RASSF3: variants seen among roughly 807,000 people sequenced by gnomAD.
RASSF3 encodes ras association domain-containing protein 3.
RASSF3 carries 19 observed loss-of-function variants against 19.9 expected under a neutral mutation model. That is an observed-to-expected ratio of 0.96 (90% confidence interval 0.67 to 1.40). The LOEUF is 1.40. RASSF3 is among the 40% of genes most tolerant of loss of function. The pLI, the probability that RASSF3 is intolerant of heterozygous loss-of-function variation, is 0.00. For missense variants in RASSF3, 306 were observed against 289.8 expected (o/e 1.06, Z -0.41); for synonymous variants, 110 against 104.2 (o/e 1.06, Z -0.34).
intron 1 of RASSF3, among the ~76,000 whole-genome samples, chr12:64,615,523 TGCCTCAATTATTTG>T (rs1171173875): frequency 1.3e-5 from 2 of 152,214 alleles, no homozygotes; most frequent in Non-Finnish European, 2.9e-5. Context: ...AATATTTTTG[TGCCTCAATTATTTG>T]GTTGTGTCTT....
At chr12:64,658,762 C>CT (rs1872244982) in intron 1 of RASSF3, among the ~76,000 whole-genome samples, 2 of 152,068 alleles carry the variant, frequency 1.3e-5, no homozygotes, top group Admixed American at 6.6e-5. Flanking sequence ...AAGTGAAACT[C>CT]TATCTCAAAA....
intron 2 of RASSF3, among the ~76,000 whole-genome samples, chr12:64,586,491 GAAAAAAAAAAA>G (rs10708538): frequency 1.4e-5 from 1 of 70,134 alleles, no homozygotes; most frequent in African/African-American, 5.9e-5. Flanking sequence ...CTCCTTCTCA[GAAAAAAAAAAA>G]AAAAAAAAAA....
In RASSF3 at chr12:64,558,580, C is replaced by T. The variant is rs527327936; in HGVS notation, c.294+16875C>T. 3.5e-4 allele frequency among the ~76,000 whole-genome samples: 53 copies of T among 152,262 alleles called. 1 individual carries two copies. The South Asian group carries it at 8.5e-3, about 24-fold the overall frequency. On this transcript the variant is annotated intron_variant, in intron 2 of 5. Coordinates refer to the RASSF3 transcript ENST00000637125. ...AGCCCGGTAAAATGTGAGAAAAGGG[C>T]TGGCGTAACTCAAGGAATCAAGTCA...
At position 64,640,797 on chromosome 12, in the gene RASSF3, T is replaced by C. The variant is rs551096252; in HGVS notation, c.111+30054T>C. Among the ~76,000 whole-genome samples the C allele has an allele frequency of 2.0e-5, 3 of 152,084 alleles. No individual in the cohort carries two copies. In the South Asian group the frequency reaches 6.2e-4, roughly 32 times the overall value. On this transcript the variant is annotated intron_variant, in intron 1 of 4. Transcript: ENST00000542104. ...AGCTGGGACTAGAGGCATGTGCCAC[T>C]ATTCCCAGCTAATTATTATTATTTG... is the stretch of plus-strand genomic sequence containing the variant.
At chr12:64,629,550 TGTG>T (rs1354102278) in intron 1 of RASSF3, among the ~76,000 whole-genome samples, 1 of 152,234 alleles carries the variant, frequency 6.6e-6, no homozygotes, top group Non-Finnish European at 1.5e-5. Context: ...CCTGAAATTC[TGTG>T]GTGGATTTTT....
chr12:64,594,978 G>GACAC, intron 2 of RASSF3, among the ~76,000 whole-genome samples: 1 of 148,334 alleles, frequency 6.7e-6, no homozygotes, highest in East Asian at 2.0e-4. Flanking sequence ...CAAAGACACA[G>GACAC]ACACACACAC....
intron 1 of RASSF3, among the ~76,000 whole-genome samples, chr12:64,641,432 A>G (rs891857720): frequency 6.8e-6 from 1 of 146,910 alleles, no homozygotes; most frequent in African/African-American, 2.7e-5. Context: ...GCGCGCGTTG[A>G]AAACAAATGA....
intron 1 of RASSF3, among the ~76,000 whole-genome samples, chr12:64,637,110 G>A (rs10506537): frequency 0.21 from 31,324 of 152,062 alleles, 3,681 homozygotes; most frequent in African/African-American, 0.33. Flanking sequence ...GCAATCCAGA[G>A]GAGGTTAAAA....
In RASSF3 at chr12:64,671,196, G is replaced by T. The variant is rs150369200; in HGVS notation, c.112-13591G>T. ...ATGAGGGACCAGGAAAGAAAGGGAG[G>T]CAGGATAGGGGAGGTGTTTTTGAGA... On this transcript the variant is annotated intron_variant, in intron 1 of 4. Coordinates refer to ENST00000542104, the MANE Select transcript of RASSF3 (RefSeq NM_178169.4). 2.3e-4 allele frequency among the ~76,000 whole-genome samples: 35 copies of T among 152,266 alleles called. No homozygotes were observed. In the Middle Eastern group the frequency reaches 0.01, roughly 44 times the overall value.
chr12:64,525,483 C>T lies in RASSF3; in HGVS notation c.170-16098C>T, dbSNP rs553812230. 9.9e-5 allele frequency among the ~76,000 whole-genome samples: 15 copies of T among 152,254 alleles called. No individual in the cohort carries two copies. In the South Asian group the frequency reaches 2.7e-3, roughly 27 times the overall value. ...TTTCCTTTTGTTTTCCCCCCATCTC[C>T]TTTTAGCAGGCCTGACTGGCAAAGC... On this transcript the variant is annotated intron_variant, in intron 1 of 5. Coordinates refer to the RASSF3 transcript ENST00000637125.
chr12:64,558,475 A>G (rs539825115), intron 2 of RASSF3, among the ~76,000 whole-genome samples: 1 of 152,198 alleles, frequency 6.6e-6, no homozygotes, highest in African/African-American at 2.4e-5. Flanking sequence ...GACTTGGTGG[A>G]TCTGACAGAA....
At chr12:64,554,495 G>C (rs1869220888) in intron 2 of RASSF3, among the ~76,000 whole-genome samples, 1 of 152,174 alleles carries the variant, frequency 6.6e-6, no homozygotes, top group South Asian at 2.1e-4. Flanking sequence ...AGTAGAGACA[G>C]GGTTTCGCCA....
downstream of RASSF3, among the ~76,000 whole-genome samples, chr12:64,546,171 G>A (rs1592396609): frequency 6.6e-6 from 1 of 151,540 alleles, no homozygotes; most frequent in South Asian, 2.1e-4. Context: ...ATACACGCAG[G>A]TGATAATGAT....
intron 1 of RASSF3, among the ~76,000 whole-genome samples, chr12:64,638,309 C>G (rs576739302): frequency 2.6e-5 from 4 of 152,196 alleles, no homozygotes; most frequent in South Asian, 2.1e-4. Flanking sequence ...GGCCGGGCGC[C>G]GTGGCTCATG....
intron 2 of RASSF3, among the ~76,000 whole-genome samples, chr12:64,568,717 T>TTA (rs113055918): frequency 2.7e-5 from 4 of 149,742 alleles, no homozygotes; most frequent in African/African-American, 9.7e-5. Flanking sequence ...TGAGTTCACT[T>TTA]TTTTTTTTTT....
intron 1 of RASSF3, among the ~76,000 whole-genome samples, chr12:64,667,292 G>C (rs551014430): frequency 1.3e-5 from 2 of 152,282 alleles, no homozygotes; most frequent in South Asian, 4.1e-4. Flanking sequence ...TTCTGGAATA[G>C]TGTTTTGGTT....
chr12:64,590,773 A>G (rs1035543976), intron 2 of RASSF3, among the ~76,000 whole-genome samples: 1 of 152,186 alleles, frequency 6.6e-6, no homozygotes, highest in Non-Finnish European at 1.5e-5. Flanking sequence ...GTAGTAGGTC[A>G]GCTGTGAGCA....
intron 1 of RASSF3, among the ~76,000 whole-genome samples, chr12:64,667,378 G>A (rs950540950): frequency 8.6e-5 from 13 of 152,038 alleles, no homozygotes; most frequent in African/African-American, 3.1e-4. Flanking sequence ...CCAGGCTGGA[G>A]TGCAGTGGCG....
chr12:64,585,831 C>T (rs972098669), intron 2 of RASSF3, among the ~76,000 whole-genome samples: 1 of 151,968 alleles, frequency 6.6e-6, no homozygotes, highest in African/African-American at 2.4e-5. Flanking sequence ...GTGTCAAACT[C>T]CTGGGCTCAA....
Sources: gnomAD v4.1 joint callset for allele counts (sites outside exome capture counted in the v4.1 genomes callset) on GRCh38, gnomAD v4.1.1 for gene constraint, MANE v1.5 for transcripts, NCBI Gene and HGNC (gene_info 2026-07-23, HGNC 2026-07-21) for gene names.